Variants in PTPRD observed in about 807,000 individuals in gnomAD.
PTPRD encodes the protein protein tyrosine phosphatase receptor type D.
In PTPRD, 34 loss-of-function variants were observed where a neutral mutation model predicts 214.5. The ratio of observed to expected loss-of-function variants is 0.16; its 90% CI spans 0.12 to 0.21. The LOEUF (loss-of-function observed/expected upper bound fraction) is 0.21. PTPRD is among the 10% of genes least tolerant of loss of function. PTPRD has a pLI of 1.00. For missense variants in PTPRD, 2,545 were observed against 2,398.7 expected (o/e 1.06, Z -1.27); for synonymous variants, 1,128 against 845.7 (o/e 1.33, Z -5.79).
At chr9:10,200,209 G>C (rs2154332484) in intron 3 of PTPRD, among the ~76,000 whole-genome samples, 1 of 152,102 alleles carries the variant, frequency 6.6e-6, no homozygotes, top group East Asian at 1.9e-4. Flanking sequence ...AAGAGACCAA[G>C]AAAAATTGTC....
chr9:9,399,609 G>A (rs1476335731), intron 8 of PTPRD, among the ~76,000 whole-genome samples: 2 of 151,998 alleles, frequency 1.3e-5, no homozygotes, highest in Admixed American at 6.6e-5. Context: ...CCCACATATT[G>A]TGGTAGAGAT....
intron 14 of PTPRD, among the ~76,000 whole-genome samples, chr9:8,531,855 G>A (rs772100694): frequency 2.0e-5 from 3 of 151,986 alleles, no homozygotes; most frequent in Non-Finnish European, 4.4e-5. Flanking sequence ...TTTAATAACC[G>A]TTTATAAGAA....
chr9:9,146,806 C>T (rs1256211086), intron 10 of PTPRD, among the ~76,000 whole-genome samples: 1 of 152,034 alleles, frequency 6.6e-6, no homozygotes, highest in Non-Finnish European at 1.5e-5. Flanking sequence ...GACCCTCAGA[C>T]ATAGAAAGGT....
At chr9:8,708,969 C>T (rs1435077092) in intron 12 of PTPRD, among the ~76,000 whole-genome samples, 1 of 151,948 alleles carries the variant, frequency 6.6e-6, no homozygotes, top group Non-Finnish European at 1.5e-5. Flanking sequence ...GTCTGGAGAC[C>T]ATTATGGCAA....
chr9:8,961,542 T>C lies in PTPRD; in HGVS notation c.-104+57155A>G, dbSNP rs148491609. ...AGTGAGCATGCCCTGTGCTCTGACT[T>C]CCACCAGGCACATGTTTTACATTCA... is the stretch of plus-strand genomic sequence containing the variant. On this transcript the variant is annotated intron_variant, in intron 11 of 45. Coordinates refer to ENST00000381196, the MANE Select transcript of PTPRD (RefSeq NM_002839.4). Among the ~76,000 whole-genome samples the C allele has an allele frequency of 2.9e-3, 434 of 152,212 alleles. 1 individual carries two copies. Among genetic ancestry groups the C allele is most frequent in the Non-Finnish European group, 4.5e-3 (306 of 68,000 alleles).
chr9:9,201,346 T>C (rs908656531), intron 9 of PTPRD, among the ~76,000 whole-genome samples: 1 of 152,200 alleles, frequency 6.6e-6, no homozygotes, highest in Non-Finnish European at 1.5e-5. Flanking sequence ...TTTTTCTCGA[T>C]TGAAGAAAAC....
At chr9:9,208,397 G>C (rs934536559) in intron 9 of PTPRD, among the ~76,000 whole-genome samples, 4 of 151,484 alleles carry the variant, frequency 2.6e-5, no homozygotes, top group African/African-American at 4.9e-5. Flanking sequence ...GAGAGGTGAG[G>C]GTATAGGATA....
intron 4 of PTPRD, among the ~76,000 whole-genome samples, chr9:9,999,727 T>C (rs182848429): frequency 7.9e-5 from 12 of 152,308 alleles, no homozygotes; most frequent in African/African-American, 2.2e-4. Context: ...GCAGGATAAG[T>C]AGTTACAGGA....
chr9:9,169,515 A>C (rs1051913935), intron 10 of PTPRD, among the ~76,000 whole-genome samples: 10 of 152,150 alleles, frequency 6.6e-5, no homozygotes, highest in Non-Finnish European at 1.5e-5. Flanking sequence ...CCAATTAAAA[A>C]ATGAGGTAGG....
intron 9 of PTPRD, among the ~76,000 whole-genome samples, chr9:9,305,678 A>T (rs1956907408): frequency 1.3e-5 from 2 of 152,148 alleles, no homozygotes; most frequent in South Asian, 4.1e-4. Context: ...GTCATATTGA[A>T]TTAGGATGTG....
intron 11 of PTPRD, among the ~76,000 whole-genome samples, chr9:8,888,896 G>A (rs1477058035): frequency 1.3e-5 from 2 of 152,318 alleles, no homozygotes; most frequent in East Asian, 1.9e-4. Flanking sequence ...AGCAGCTTAT[G>A]TAACAACCCT....
At chr9:9,240,039 A>G (rs1327445137) in intron 9 of PTPRD, among the ~76,000 whole-genome samples, 1 of 152,192 alleles carries the variant, frequency 6.6e-6, no homozygotes, top group Non-Finnish European at 1.5e-5. Context: ...AGAAAAACAT[A>G]GATTATGCTT....
chr9:8,966,837 A>T (rs193247654), intron 11 of PTPRD, among the ~76,000 whole-genome samples: 1 of 152,286 alleles, frequency 6.6e-6, no homozygotes, highest in Admixed American at 6.5e-5. Flanking sequence ...GAAGGGGAAA[A>T]AATATTCACA....
intron 10 of PTPRD, among the ~76,000 whole-genome samples, chr9:9,077,347 G>A (rs916760942): frequency 4.6e-5 from 7 of 152,058 alleles, no homozygotes; most frequent in African/African-American, 1.7e-4. Context: ...ATAGTTCATA[G>A]AAGCAGAATG....
chr9:9,444,191 CT>C (rs933189024), intron 8 of PTPRD, among the ~76,000 whole-genome samples: 8 of 151,978 alleles, frequency 5.3e-5, no homozygotes, highest in Admixed American at 1.3e-4. Flanking sequence ...CGTGCATCTA[CT>C]TTTTTTTCTG....
At chr9:10,283,409 C>T (rs1378931534) in intron 3 of PTPRD, among the ~76,000 whole-genome samples, 3 of 152,090 alleles carry the variant, frequency 2.0e-5, no homozygotes, top group Non-Finnish European at 2.9e-5. Flanking sequence ...AGAAATAAGA[C>T]GAGGTCCTCA....
chr9:8,492,196 G>A (rs1004738426), intron 27 of PTPRD, among the ~76,000 whole-genome samples: 8 of 151,974 alleles, frequency 5.3e-5, no homozygotes, highest in African/African-American at 1.7e-4. Context: ...CAGGGGGTGG[G>A]GAAGACAAAA....
chr9:9,952,835 C>G (rs145106614), intron 4 of PTPRD, among the ~76,000 whole-genome samples: 1 of 152,220 alleles, frequency 6.6e-6, no homozygotes, highest in East Asian at 1.9e-4. Flanking sequence ...TATTCCAAAT[C>G]CACTGCACAG....
intron 2 of PTPRD, among the ~76,000 whole-genome samples, chr9:10,531,189 ATC>A (rs1454436519): frequency 4.0e-5 from 6 of 151,816 alleles, no homozygotes; most frequent in Non-Finnish European, 7.4e-5. Flanking sequence ...ACCTCAAGTG[ATC>A]CGCCCTCCTC....
Sources: allele counts gnomAD v4.1 joint callset (sites outside exome capture counted in the v4.1 genomes callset), GRCh38; gene constraint gnomAD v4.1.1; transcripts MANE v1.5; gene names NCBI Gene and HGNC (gene_info 2026-07-23, HGNC 2026-07-21).